Variants in CD200R1 observed in about 807,000 individuals in gnomAD.
CD200R1 encodes the protein CD200 receptor 1.
A neutral mutation model predicts 38.1 loss-of-function variants in CD200R1; 30 were observed. The ratio of observed to expected loss-of-function variants is 0.79; its 90% CI spans 0.59 to 1.07. The LOEUF is 1.07. CD200R1 is among the 50% of genes least tolerant of loss of function. The pLI is 0.00. For synonymous variants in CD200R1, 128 were observed against 152.1 expected, an observed-to-expected ratio of 0.84 and a Z score of 1.16; for missense variants, 372 against 415.4, an observed-to-expected ratio of 0.90 and a Z score of 0.91.
In CD200R1 at chr3:112,940,234, T is replaced by C. The variant is rs1940697450; in HGVS notation, c.136+7622A>G. On this transcript the variant is annotated intron_variant, in intron 2 of 7. Coordinates refer to ENST00000308611, the MANE Select transcript of CD200R1 (RefSeq NM_138806.4). ...TAAAACTGCTAGAAGAAAACACCGA[T>C]GAAATACTTCAGGACATTGATCTGA... 2.0e-5 allele frequency among the ~76,000 whole-genome samples: 3 copies of C among 151,734 alleles called. No individual in the cohort carries two copies. The South Asian group carries it at 6.2e-4, about 31-fold the overall frequency.
chr3:112,955,613 A>G (rs1486428660), intron 1 of CD200R1, among the ~76,000 whole-genome samples: 1 of 150,774 alleles, frequency 6.6e-6, no homozygotes, highest in Non-Finnish European at 1.5e-5. Flanking sequence ...GGTTCAAGTG[A>G]TCCTCCTGCC....
rs578032180 is a variant in CD200R1 at position 112,962,375 on chromosome 3, G to C, written c.67+12416C>G. Among the ~76,000 whole-genome samples, 20 of 152,150 alleles carry C rather than the reference G, an allele frequency of 1.3e-4. No homozygotes were observed. The South Asian group carries it at 4.2e-3, about 32-fold the overall frequency. On this transcript the variant is annotated intron_variant, in intron 1 of 7. Transcript: ENST00000308611. ...ACATATGCAAAGATATGTGTACCAGGATACTAATTCTAGCATTGTTTTCCA... is the reference window on the plus strand; with the variant it reads ...ACATATGCAAAGATATGTGTACCAGCATACTAATTCTAGCATTGTTTTCCA...
chr3:112,924,448 AT>A, intron 7 of CD200R1, 41 bp downstream of exon 7: 1 of 1,276,910 alleles, frequency 7.8e-7, no homozygotes, highest in Non-Finnish European at 1.0e-6. Flanking sequence ...TTTTCAGACT[AT>A]TGGCTTAAGT....
intron 1 of CD200R1, among the ~76,000 whole-genome samples, chr3:112,954,281 C>A (rs1192534049): frequency 6.6e-6 from 1 of 152,118 alleles, no homozygotes; most frequent in East Asian, 1.9e-4. Flanking sequence ...TATATCCCCT[C>A]CAACCATAAT....
At position 112,947,915 on chromosome 3, in the gene CD200R1, C is replaced by T. The variant is rs372085655; in HGVS notation, c.77G>A (p.Gly26Asp). Residue 26 changes from glycine (G) to aspartate (D), a missense_variant, in exon 2 of 8, where the codon GGT (glycine) becomes GAT (aspartate). Physicochemically the swap from Gly to Asp is moderately conservative, Grantham distance 94 (BLOSUM62 -1). Transcript: ENST00000308611. ...TAATGAGTTGTTTGGTTGAGCAGCACCCTCCGCTTCTGAATTTTGAAAAAG... is the reference window on the plus strand; with the variant it reads ...TAATGAGTTGTTTGGTTGAGCAGCATCCTCCGCTTCTGAATTTTGAAAAAG... ...LTIFLVAEAE[G>D]AAQPNNSLML... The T allele has an allele frequency of 2.0e-4, 315 of 1,610,994 alleles. No individual in the cohort carries two copies. Among genetic ancestry groups the T allele is most frequent in the Non-Finnish European group, 2.4e-4 (288 of 1,177,306 alleles).
intron 2 of CD200R1, among the ~76,000 whole-genome samples, chr3:112,933,039 A>C (rs1448054543): frequency 6.6e-6 from 1 of 152,106 alleles, no homozygotes; most frequent in Non-Finnish European, 1.5e-5. Flanking sequence ...ATTCACCCCC[A>C]GGAACTGAGA....
In CD200R1 at chr3:112,923,351, A is replaced by T; in HGVS notation, c.*326T>A. On this transcript the variant is annotated 3_prime_UTR_variant, in exon 8 of 8. Coordinates refer to ENST00000308611, the MANE Select transcript of CD200R1 (RefSeq NM_138806.4). ...AAATATTCTGAAAGGATACACAAGA[A>T]ACTGTTCACACTTGCTCCTTCTTCA... 1 of 183,670 alleles carries T rather than the reference A, an allele frequency of 5.4e-6. No homozygotes were observed. Among genetic ancestry groups the T allele is most frequent in the Non-Finnish European group, 1.1e-5 (1 of 88,906 alleles). The allele number at this position is 183,670 out of a possible 1,614,324, so 11.4% of individuals were successfully genotyped here. A position where few individuals can be genotyped will look rare whatever the true frequency, so the allele number is the denominator to read the frequency against.
At chr3:112,966,151 G>A (rs918328684) in intron 1 of CD200R1, among the ~76,000 whole-genome samples, 1 of 152,312 alleles carries the variant, frequency 6.6e-6, no homozygotes, top group Non-Finnish European at 1.5e-5. Flanking sequence ...TAAATCAGGA[G>A]GTGAGCAGCT....
intron 3 of CD200R1, among the ~76,000 whole-genome samples, chr3:112,929,861 T>C (rs1940383639): frequency 6.6e-6 from 1 of 152,114 alleles, no homozygotes; most frequent in African/African-American, 2.4e-5. Context: ...CTATTGCCTT[T>C]ATCATACAAT....
In CD200R1 at chr3:112,923,088, AATGAT is replaced by A. The variant is rs1406944853; in HGVS notation, c.*584_*588del. The A allele has an allele frequency of 2.6e-5, 4 of 151,984 alleles. No homozygotes were observed. Among genetic ancestry groups the A allele is most frequent in the African/African-American group, 9.7e-5 (4 of 41,448 alleles). 9.4% of individuals were successfully genotyped at this position (151,984 alleles called of 1,614,324 possible). ...TCATTAGGGTTGTTTTTAATTAAATAATGATATAACTATACAATGGAATTTTATAT... is the reference window on the plus strand; with the variant it reads ...TCATTAGGGTTGTTTTTAATTAAATAATAACTATACAATGGAATTTTATAT... On this transcript the variant is annotated 3_prime_UTR_variant, in exon 8 of 8. Transcript: ENST00000308611.
chr3:112,952,932 C>T (rs566029509), intron 1 of CD200R1, among the ~76,000 whole-genome samples: 1 of 152,196 alleles, frequency 6.6e-6, no homozygotes, highest in East Asian at 1.9e-4. Context: ...CCTAATTCCT[C>T]CAGCTAGAAC....
At chr3:112,971,486 C>G (rs1933308568) in intron 1 of CD200R1, among the ~76,000 whole-genome samples, 1 of 152,112 alleles carries the variant, frequency 6.6e-6, no homozygotes, top group Non-Finnish European at 1.5e-5. Flanking sequence ...AAACTCCCTT[C>G]TCAGTCACAT....
chr3:112,926,033 C>A lies in CD200R1; in HGVS notation c.770-840G>T, dbSNP rs114210449. On this transcript the variant is annotated intron_variant, in intron 5 of 7. Transcript: ENST00000308611. ...ACCACTCTGTTATAGCAGAGTGTTT[C>A]TCCCCTCCAACTAAATGGGCAATTG... Among the ~76,000 whole-genome samples, 806 of 152,216 alleles carry A rather than the reference C, an allele frequency of 5.3e-3. 8 individuals carry two copies. The highest frequency in any genetic ancestry group is 0.011 in the South Asian group (55 of 4,822).
chr3:112,952,313 G>A (rs1371683226), intron 1 of CD200R1, among the ~76,000 whole-genome samples: 1 of 151,960 alleles, frequency 6.6e-6, no homozygotes, highest in Non-Finnish European at 1.5e-5. Flanking sequence ...GTATAGAAAA[G>A]CTACTAATTT....
At chr3:112,970,474 A>G (rs769206679) in intron 1 of CD200R1, among the ~76,000 whole-genome samples, 133 of 152,344 alleles carry the variant, frequency 8.7e-4, no homozygotes, top group African/African-American at 3.0e-3. Context: ...GCCTACTAGC[A>G]TCACATAGTC....
rs1456106342 is a variant in CD200R1, at chr3:112,925,212, A to G, written c.770-19T>C. Reference sequence around the variant, plus strand: ...CCTGGAACTATAGACACAAAAATATATGGTTCAAATGTGGTACAATCCAAA... The same window carrying G: ...CCTGGAACTATAGACACAAAAATATGTGGTTCAAATGTGGTACAATCCAAA... On this transcript the variant is annotated intron_variant, in intron 5 of 7. Transcript: ENST00000308611. 2.6e-6 allele frequency: 3 copies of G among 1,161,154 alleles called. No homozygotes were observed. Among genetic ancestry groups the G allele is most frequent in the East Asian group, 4.7e-5 (2 of 42,322 alleles). The allele number at this position is 1,161,154 out of a possible 1,614,324, so 71.9% of individuals were successfully genotyped here. A position where few individuals can be genotyped will look rare whatever the true frequency, so the allele number is the denominator to read the frequency against.
chr3:112,965,848 G>T lies in CD200R1; in HGVS notation c.67+8943C>A, dbSNP rs925805771. Among the ~76,000 whole-genome samples the T allele has an allele frequency of 5.9e-5, 9 of 152,236 alleles. No homozygotes were observed. The East Asian group carries it at 1.7e-3, about 29-fold the overall frequency. On this transcript the variant is annotated intron_variant, in intron 1 of 7. Coordinates refer to ENST00000308611, the MANE Select transcript of CD200R1 (RefSeq NM_138806.4). ...GGAGAGCCAGAAGTTACTAGAATGAGGAAGCTAACTGGTCAGGCAGGATCC... is the reference window on the plus strand; with the variant it reads ...GGAGAGCCAGAAGTTACTAGAATGATGAAGCTAACTGGTCAGGCAGGATCC...
intron 1 of CD200R1, among the ~76,000 whole-genome samples, chr3:112,960,910 CT>C (rs879638115): frequency 6.6e-6 from 1 of 152,038 alleles, no homozygotes; most frequent in African/African-American, 2.4e-5. Context: ...TTAGTACTTA[CT>C]TTTTTATTTT....
chr3:112,924,519 T>A lies in CD200R1; in HGVS notation c.895A>T (p.Lys299Ter). The A allele has an allele frequency of 7.9e-7, 1 of 1,263,392 alleles. No homozygotes were observed. Among genetic ancestry groups the A allele is most frequent in the Non-Finnish European group, 1.0e-6 (1 of 970,846 alleles). The allele number at this position is 1,263,392 out of a possible 1,614,324, so 78.3% of individuals were successfully genotyped here. A position where few individuals can be genotyped will look rare whatever the true frequency, so the allele number is the denominator to read the frequency against. Residue 299 changes from lysine (K) to a stop codon, truncating the protein, a stop_gained, in exon 7 of 8, where the codon AAA (lysine) becomes TAA (stop). Transcript: ENST00000308611. LOFTEE classifies it low-confidence loss of function (END_TRUNC). Reference sequence around the variant, plus strand: ...TCAACAACTGGAGTAGATTCTGTTTTATTCAATTTATATTTTCTATAAAAA... The same window carrying A: ...TCAACAACTGGAGTAGATTCTGTTTAATTCAATTTATATTTTCTATAAAAA... ...VNGCRKYKLN[K>*]TESTPVVEED...
Sources: gnomAD v4.1 joint callset for allele counts (sites outside exome capture counted in the v4.1 genomes callset) on GRCh38, gnomAD v4.1.1 for gene constraint, MANE v1.5 for transcripts, NCBI Gene and HGNC (gene_info 2026-07-23, HGNC 2026-07-21) for gene names.